Variants in PIWIL2 observed in about 807,000 individuals in gnomAD.
PIWIL2 encodes the protein piwi-like protein 2.
Under a neutral mutation model 116.5 loss-of-function variants are expected in PIWIL2, and 81 were observed. The observed-to-expected ratio is 0.70, with a 90% CI of 0.58 to 0.84. The LOEUF (loss-of-function observed/expected upper bound fraction) is 0.84, where lower values mean the gene tolerates loss of function less well. Among genes scored for constraint, PIWIL2 ranks in the 40% least tolerant of loss-of-function variants. The probability of loss-of-function intolerance (pLI) is 0.00; values close to 1 mark genes in which losing one functional copy is unlikely to be tolerated. For missense variants in PIWIL2, 1,272 were observed against 1,212.3 expected (o/e 1.05, Z -0.73); for synonymous variants, 489 against 429.5 (o/e 1.14, Z -1.71).
At chr8:22,340,798 A>G (rs1392828293) in intron 20 of PIWIL2, among the ~76,000 whole-genome samples, 1 of 151,534 alleles carries the variant, frequency 6.6e-6, no homozygotes, top group Non-Finnish European at 1.5e-5. Context: ...GTAGCTCACT[A>G]CCTCCCAGGC....
intron 20 of PIWIL2, among the ~76,000 whole-genome samples, chr8:22,344,855 G>C (rs1021782291): frequency 1.3e-5 from 2 of 152,178 alleles, no homozygotes; most frequent in Non-Finnish European, 2.9e-5. Context: ...CAGCCTTGGT[G>C]ACAGAGTAAG....
At chr8:22,333,329 G>A (rs1407970981) in intron 20 of PIWIL2, among the ~76,000 whole-genome samples, 1 of 152,062 alleles carries the variant, frequency 6.6e-6, no homozygotes, top group African/African-American at 2.4e-5. Context: ...AAATGTTTCT[G>A]GGCTGGGCGC....
chr8:22,305,393 C>T (rs189066778), intron 12 of PIWIL2, among the ~76,000 whole-genome samples: 1 of 152,016 alleles, frequency 6.6e-6, no homozygotes, highest in Admixed American at 6.6e-5. Flanking sequence ...GGGGTTTCAC[C>T]GTGTTAGCCA....
intron 1 of PIWIL2, among the ~76,000 whole-genome samples, chr8:22,276,681 A>G (rs1830379979): frequency 1.3e-5 from 2 of 152,166 alleles, no homozygotes; most frequent in South Asian, 4.1e-4. Flanking sequence ...TGAGAGGATC[A>G]CTTGAGGTCA....
chr8:22,320,651 C>T (rs1831577121), intron 20 of PIWIL2, among the ~76,000 whole-genome samples: 1 of 151,626 alleles, frequency 6.6e-6, no homozygotes, highest in South Asian at 2.1e-4. Context: ...AGTGCAATGG[C>T]ACAATCTGGG....
chr8:22,278,633 G>A (rs182585227), intron 1 of PIWIL2, among the ~76,000 whole-genome samples: 8 of 152,334 alleles, frequency 5.3e-5, no homozygotes, highest in Non-Finnish European at 1.0e-4. Context: ...CTAAGGCAGG[G>A]GTTCCCAACC....
chr8:22,280,362 T>G (rs1830472386), intron 2 of PIWIL2, among the ~76,000 whole-genome samples: 1 of 152,220 alleles, frequency 6.6e-6, no homozygotes, highest in South Asian at 2.1e-4. Flanking sequence ...TGTGAACACT[T>G]AACGTGTATA....
intron 20 of PIWIL2, among the ~76,000 whole-genome samples, chr8:22,331,275 A>G (rs939425264): frequency 6.6e-6 from 1 of 152,118 alleles, no homozygotes; most frequent in Non-Finnish European, 1.5e-5. Context: ...GTAGGAGGAT[A>G]GCTTGAGGCC....
chr8:22,306,700 A>G (rs1411323733), intron 13 of PIWIL2, among the ~76,000 whole-genome samples: 1 of 152,172 alleles, frequency 6.6e-6, no homozygotes, highest in East Asian at 1.9e-4. Flanking sequence ...TAACATCATA[A>G]AGAAAGAGCT....
intron 20 of PIWIL2, among the ~76,000 whole-genome samples, chr8:22,344,107 G>A (rs183242208): frequency 6.6e-6 from 1 of 152,324 alleles, no homozygotes; most frequent in Admixed American, 6.5e-5. Context: ...ATATTGCTCA[G>A]TGAAAGATGG....
At position 22,304,859 on chromosome 8, in the gene PIWIL2, T is replaced by G; in HGVS notation, c.1446T>G (p.Asn482Lys). The change falls in exon 12 of 23, where the codon AAT becomes AAG. Residue 482 changes from asparagine to lysine, a missense_variant. Transcript: ENST00000356766. The stretch of plus-strand genomic sequence containing the variant: ...ACAGGCCCAGTGAGAGACAGGATAA[T>G]CATGGGATGGTGAGTAGGGCTGTCA... ...LIHRPSERQD[N>K]HGMLLKGEIL... 2 of 1,602,494 alleles carry G rather than the reference T, an allele frequency of 1.2e-6. No homozygotes were observed. Among genetic ancestry groups the G allele is most frequent in the Non-Finnish European group, 1.7e-6 (2 of 1,169,412 alleles).
chr8:22,296,691 C>T (rs1467297466), intron 10 of PIWIL2, among the ~76,000 whole-genome samples: 1 of 152,194 alleles, frequency 6.6e-6, no homozygotes, highest in Non-Finnish European at 1.5e-5. Context: ...GTATGTCTCT[C>T]CTCACCCTGT....
chr8:22,350,192 G>A lies in PIWIL2; in HGVS notation c.2404-2767G>A, dbSNP rs113115822. ...GAAACCTTGGGTTGGGCTAGGGCAC[G>A]TTGACTAATAGTCCCACCAGACTAT... On this transcript the variant is annotated intron_variant, in intron 20 of 22. Coordinates refer to ENST00000356766, the MANE Select transcript of PIWIL2 (RefSeq NM_018068.5). Among the ~76,000 whole-genome samples the A allele has an allele frequency of 3.5e-3, 536 of 152,294 alleles. 1 individual carries two copies. Among genetic ancestry groups the A allele is most frequent in the Non-Finnish European group, 5.5e-3 (375 of 68,024 alleles).
At chr8:22,344,492 G>A (rs1832180622) in intron 20 of PIWIL2, among the ~76,000 whole-genome samples, 1 of 152,128 alleles carries the variant, frequency 6.6e-6, no homozygotes, top group South Asian at 2.1e-4. Context: ...TAAACTTGAA[G>A]ATTCCTCTAA....
intron 13 of PIWIL2, among the ~76,000 whole-genome samples, chr8:22,306,614 C>T (rs765966150): frequency 6.6e-6 from 1 of 152,154 alleles, no homozygotes; most frequent in Non-Finnish European, 1.5e-5. Flanking sequence ...GGGCTGTCCA[C>T]GCTTGAACTC....
Position 22,309,991 on chromosome 8 carries a change from A to G in PIWIL2, c.1717A>G (p.Ile573Val). Residue 573 changes from isoleucine (I) to valine (V), a missense_variant, in exon 15 of 23, where the codon ATT becomes GTT. Transcript: ENST00000356766. ...IEGRVLPMER[I>V]NLKNTSFITS... ...AGGACGTGTTCTGCCAATGGAAAGA[A>G]TTAACTTAAAAAATACTTCGTTTAT... 1 of 1,610,136 alleles carries G rather than the reference A, an allele frequency of 6.2e-7. No individual in the cohort carries two copies.
At chr8:22,322,695 C>G (rs1323372267) in intron 20 of PIWIL2, among the ~76,000 whole-genome samples, 1 of 152,126 alleles carries the variant, frequency 6.6e-6, no homozygotes, top group Non-Finnish European at 1.5e-5. Context: ...CACATGCCAC[C>G]ACACCCAGCT....
At chr8:22,304,555 A>T (rs1253502093) in intron 11 of PIWIL2, among the ~76,000 whole-genome samples, 1 of 152,182 alleles carries the variant, frequency 6.6e-6, no homozygotes, top group Admixed American at 6.5e-5. Flanking sequence ...GATGTTTTTA[A>T]CAAAGTCTTT....
intron 8 of PIWIL2, among the ~76,000 whole-genome samples, chr8:22,289,440 C>T (rs763865742): frequency 3.3e-5 from 5 of 152,182 alleles, no homozygotes; most frequent in Non-Finnish European, 5.9e-5. Flanking sequence ...CGTAAGCCAC[C>T]GCGCCCGGCC....
Sources: allele counts gnomAD v4.1 joint callset (sites outside exome capture counted in the v4.1 genomes callset), GRCh38; gene constraint gnomAD v4.1.1; transcripts MANE v1.5; gene names NCBI Gene and HGNC (gene_info 2026-07-23, HGNC 2026-07-21).